Variants in ZNF581 observed in about 807,000 individuals in gnomAD.
ZNF581 encodes zinc finger protein 581.
Under a neutral mutation model 1.2 loss-of-function variants are expected in ZNF581, and 1 was observed. The observed-to-expected ratio is 0.83, with a 90% CI of 0.30 to 3.95. ZNF581 has a LOEUF of 3.95. Ranked by LOEUF, ZNF581 falls within the 30% of genes most tolerant of loss-of-function variation. The pLI is 0.18. For missense variants in ZNF581, 273 were observed against 274.6 expected (o/e 0.99, Z 0.04); for synonymous variants, 105 against 109.2 (o/e 0.96, Z 0.24).
At chr19:55,642,198 A>C, upstream of ZNF581, 2 of 1,140,830 alleles carry the variant, frequency 1.8e-6, no homozygotes, top group Non-Finnish European at 1.1e-6. Flanking sequence ...TGAGAGGAGA[A>C]AAGGGAAGAA....
chr19:55,642,601 G>C, upstream of ZNF581: 1 of 1,449,036 alleles, frequency 6.9e-7, no homozygotes, highest in Non-Finnish European at 9.1e-7. Context: ...CTTTCCCCAA[G>C]GCGGAAGGCC....
rs1982709721 is a variant in ZNF581 at position 55,644,100 on chromosome 19, A to G, written c.-20+326A>G. ...AGAGGGCCGGAACCTGGGGGTCCTA[A>G]CGTCGGAGCCCCTGTGAATAGGCTT... On this transcript the variant is annotated intron_variant, in intron 1 of 1. Transcript: ENST00000270451. The surrounding 1 kb of genome is among the most constrained non-coding windows in gnomAD (Gnocchi z 4.3). Among the ~76,000 whole-genome samples the G allele has an allele frequency of 3.9e-5, 6 of 152,088 alleles. No homozygotes were observed. Among genetic ancestry groups the G allele is most frequent in the Admixed American group, 3.9e-4 (6 of 15,260 alleles).
At chr19:55,638,514 C>T (rs1297254352), upstream of ZNF581, among the ~76,000 whole-genome samples, 12 of 152,150 alleles carry the variant, frequency 7.9e-5, no homozygotes, top group Non-Finnish European at 1.5e-4. Context: ...GGATTACAGG[C>T]GTGAGCCACC....
chr19:55,637,089 T>G (rs1006878507), upstream of ZNF581, among the ~76,000 whole-genome samples: 6 of 152,304 alleles, frequency 3.9e-5, 1 homozygote, highest in South Asian at 1.0e-3. Context: ...TAGTTGGGAC[T>G]GTAGGCAGGC....
upstream of ZNF581, among the ~76,000 whole-genome samples, chr19:55,637,173 G>C (rs1029968847): frequency 5.3e-5 from 8 of 152,112 alleles, no homozygotes; most frequent in Non-Finnish European, 1.0e-4. Context: ...CTGTGTCTCA[G>C]AGGGGAAGGT....
chr19:55,640,905 G>T (rs1004169592), upstream of ZNF581: 3 of 985,318 alleles, frequency 3.0e-6, no homozygotes, highest in Non-Finnish European at 3.6e-6. Flanking sequence ...CACGCCTCCG[G>T]TCCCCTCCCC....
upstream of ZNF581, chr19:55,642,736 GC>G: frequency 1.3e-6 from 2 of 1,516,122 alleles, no homozygotes; most frequent in Non-Finnish European, 1.8e-6. Context: ...CCCGGGGCCC[GC>G]CCCAGCGCGA....
In ZNF581 at chr19:55,644,499, G is replaced by A. The variant is rs184787906; in HGVS notation, c.-19-54G>A. 8.6e-7 allele frequency: 1 copy of A among 1,164,904 alleles called. No homozygotes were observed. The highest frequency in any genetic ancestry group is 1.6e-5 in the African/African-American group (1 of 64,508). 72.2% of individuals were successfully genotyped at this position (1,164,904 alleles called of 1,614,324 possible). On this transcript the variant is annotated intron_variant, in intron 1 of 1. Transcript: ENST00000270451. The surrounding 1 kb of genome is among the most constrained non-coding windows in gnomAD (Gnocchi z 4.3). Reference sequence around the variant, plus strand: ...GGGAGGGAAAAGGATGGAGCCTGTGGTGCTGAGCTGCCCTCTTCTATATAA... The same window carrying A: ...GGGAGGGAAAAGGATGGAGCCTGTGATGCTGAGCTGCCCTCTTCTATATAA...
upstream of ZNF581, chr19:55,640,098 T>TTACTCCTC: frequency 1.0e-6 from 1 of 984,086 alleles, no homozygotes; most frequent in Non-Finnish European, 1.2e-6. Flanking sequence ...GCTGTGACAG[T>TTACTCCTC]TACTCCTCTT....
upstream of ZNF581, among the ~76,000 whole-genome samples, chr19:55,639,040 T>C (rs920700319): frequency 1.3e-5 from 2 of 150,042 alleles, no homozygotes; most frequent in African/African-American, 2.5e-5. Flanking sequence ...AAAAAAGATT[T>C]GGAGGGGACA....
At chr19:55,641,946 A>T, upstream of ZNF581, 2 of 710,980 alleles carry the variant, frequency 2.8e-6, no homozygotes, top group Middle Eastern at 7.0e-4. Context: ...GAGGGAGGCC[A>T]CGGAATATGA....
upstream of ZNF581, chr19:55,641,016 A>G (rs1160563537): frequency 6.1e-6 from 6 of 984,458 alleles, no homozygotes; most frequent in East Asian, 4.6e-4. Flanking sequence ...TTTCCCAGGG[A>G]CTCCGCCAAC....
At chr19:55,642,214 G>T (rs78480593), upstream of ZNF581, 245 of 1,177,658 alleles carry the variant, frequency 2.1e-4, 3 homozygotes, top group East Asian at 8.4e-3. Context: ...AAGAAAAGTC[G>T]GGGGACTACG....
upstream of ZNF581, chr19:55,643,185 C>A (rs1042910211): frequency 8.4e-6 from 10 of 1,193,048 alleles, no homozygotes; most frequent in African/African-American, 1.6e-4. Context: ...GAGCATCATT[C>A]CTTCCTTACC....
upstream of ZNF581, chr19:55,640,383 T>C: frequency 1.0e-6 from 1 of 985,468 alleles, no homozygotes; most frequent in Non-Finnish European, 1.2e-6. Context: ...TGCCAGCCTT[T>C]CCCACCTCCG....
chr19:55,645,208 G>A lies in ZNF581; in HGVS notation c.*43G>A, dbSNP rs1405240658. 1 of 1,484,904 alleles carries A rather than the reference G, an allele frequency of 6.7e-7. No homozygotes were observed. The highest frequency in any genetic ancestry group is 2.3e-5 in the Admixed American group (1 of 43,138). The allele number at this position is 1,484,904 out of a possible 1,614,324, so 92.0% of individuals were successfully genotyped here. On this transcript the variant is annotated 3_prime_UTR_variant, in exon 2 of 2. Transcript: ENST00000270451. ...CCCAGGTACCACAGGACTTTGCAGG[G>A]AGCCTGGACTCCTGTCCAGACACCT... is the stretch of plus-strand genomic sequence containing the variant.
At chr19:55,639,006 CAAA>C (rs753198174), upstream of ZNF581, among the ~76,000 whole-genome samples, 2,113 of 88,136 alleles carry the variant, frequency 0.024, 18 homozygotes, top group Middle Eastern at 0.1. Flanking sequence ...ACTCCATCTC[CAAA>C]AAAAAAAAAA....
At chr19:55,640,818 G>C, upstream of ZNF581, 1 of 985,540 alleles carries the variant, frequency 1.0e-6, no homozygotes, top group Non-Finnish European at 1.2e-6. Flanking sequence ...CCGATCTCTT[G>C]TCAAGCGGCG....
At chr19:55,642,982 C>G, upstream of ZNF581, 1 of 1,374,748 alleles carries the variant, frequency 7.3e-7, no homozygotes, top group Non-Finnish European at 9.4e-7. Flanking sequence ...GCCCACGCCG[C>G]TTCCAGGACG....
Sources: allele counts gnomAD v4.1 joint callset (sites outside exome capture counted in the v4.1 genomes callset), GRCh38; gene constraint gnomAD v4.1.1; non-coding constraint Gnocchi (gnomAD v3.1); transcripts MANE v1.5; gene names NCBI Gene and HGNC (gene_info 2026-07-23, HGNC 2026-07-21).